Variants in PITPNC1 observed in about 807,000 individuals in gnomAD.
The protein encoded by PITPNC1 is phosphatidylinositol transfer protein cytoplasmic 1.
PITPNC1 carries 18 observed loss-of-function variants against 44.7 expected under a neutral mutation model. The observed-to-expected ratio is 0.40, with a 90% CI of 0.28 to 0.60. The LOEUF (loss-of-function observed/expected upper bound fraction) is 0.60, where lower values mean the gene tolerates loss of function less well. PITPNC1 is among the 20% of genes least tolerant of loss of function. The pLI, the probability that PITPNC1 is intolerant of heterozygous loss-of-function variation, is 0.39. For synonymous variants in PITPNC1, 141 were observed against 149.6 expected, an observed-to-expected ratio of 0.94 and a Z score of 0.42; for missense variants, 290 against 418.4, an observed-to-expected ratio of 0.69 and a Z score of 2.68.
At chr17:67,391,981 C>T (rs761390547) in intron 1 of PITPNC1, among the ~76,000 whole-genome samples, 8 of 152,094 alleles carry the variant, frequency 5.3e-5, no homozygotes, top group Non-Finnish European at 1.2e-4. Flanking sequence ...TATTCCTCTT[C>T]GAAAATAACT....
rs192045469 is a variant in PITPNC1 at position 67,683,551 on chromosome 17, G to A, written c.682+8009G>A. On this transcript the variant is annotated intron_variant, in intron 8 of 8. Coordinates refer to ENST00000581322, the MANE Select transcript of PITPNC1 (RefSeq NM_012417.4). ...TTAGACAAACATATTTTCCTTCACA[G>A]CAGGGACCATATTATCACCATCTTT... Among the ~76,000 whole-genome samples, 6 of 152,280 alleles carry A rather than the reference G, an allele frequency of 3.9e-5. No individual in the cohort carries two copies. The East Asian group carries it at 1.2e-3, about 29-fold the overall frequency.
At chr17:67,637,577 G>A (rs2042047922) in intron 6 of PITPNC1, among the ~76,000 whole-genome samples, 1 of 152,100 alleles carries the variant, frequency 6.6e-6, no homozygotes, top group African/African-American at 2.4e-5. Context: ...GGAAACCTTT[G>A]AGCCACACAA....
chr17:67,475,756 C>CA (rs2039617370), intron 1 of PITPNC1, among the ~76,000 whole-genome samples: 1 of 152,260 alleles, frequency 6.6e-6, no homozygotes, highest in Middle Eastern at 3.4e-3. Context: ...GTAGGTTGTG[C>CA]ATCAGTAAGC....
At chr17:67,427,484 T>A (rs1054127880) in intron 1 of PITPNC1, among the ~76,000 whole-genome samples, 2 of 152,188 alleles carry the variant, frequency 1.3e-5, no homozygotes, top group African/African-American at 4.8e-5. Flanking sequence ...AGTGTTGGTA[T>A]TACAGGCATG....
intron 1 of PITPNC1, among the ~76,000 whole-genome samples, chr17:67,518,847 G>A (rs900186450): frequency 1.3e-5 from 2 of 152,200 alleles, no homozygotes; most frequent in Non-Finnish European, 2.9e-5. Context: ...AGATGCTGAA[G>A]TGGGAGGATC....
intron 1 of PITPNC1, among the ~76,000 whole-genome samples, chr17:67,412,255 G>A (rs966166207): frequency 2.0e-5 from 3 of 152,136 alleles, no homozygotes; most frequent in Non-Finnish European, 4.4e-5. Flanking sequence ...GGAGCCCGGG[G>A]CAGGGTTTAA....
chr17:67,585,759 C>T (rs538472560), intron 5 of PITPNC1, among the ~76,000 whole-genome samples: 3 of 152,254 alleles, frequency 2.0e-5, no homozygotes, highest in East Asian at 3.9e-4. Context: ...GAGCCAAGAT[C>T]GTGCCACTGC....
intron 6 of PITPNC1, among the ~76,000 whole-genome samples, chr17:67,653,384 T>G (rs905457829): frequency 2.0e-5 from 3 of 152,196 alleles, no homozygotes; most frequent in African/African-American, 7.2e-5. Context: ...TGCTTCTACA[T>G]GCCAAGGAAC....
chr17:67,555,050 T>C (rs2040817732), intron 4 of PITPNC1, among the ~76,000 whole-genome samples: 1 of 152,186 alleles, frequency 6.6e-6, no homozygotes, highest in African/African-American at 2.4e-5. Context: ...ATATATATAG[T>C]ATTTCCCCCC....
rs377621762 is a variant in PITPNC1 at position 67,428,337 on chromosome 17, G to A, written c.48+50135G>A. Among the ~76,000 whole-genome samples, 9 of 152,096 alleles carry A rather than the reference G, an allele frequency of 5.9e-5. No homozygotes were observed. In the East Asian group the frequency reaches 1.5e-3, roughly 26 times the overall value. On this transcript the variant is annotated intron_variant, in intron 1 of 8. Transcript: ENST00000581322. ...GAGGATCACTTGAGCCCAGGAGTTC[G>A]AGACCAACTTGGGCAACATAATGCC...
At chr17:67,674,938 G>T (rs968700515) in intron 7 of PITPNC1, among the ~76,000 whole-genome samples, 3 of 151,314 alleles carry the variant, frequency 2.0e-5, no homozygotes, top group African/African-American at 7.3e-5. Context: ...CTTGAACCCT[G>T]GAGGCAGAGG....
chr17:67,443,325 T>C (rs1039499608), intron 1 of PITPNC1, among the ~76,000 whole-genome samples: 1 of 152,000 alleles, frequency 6.6e-6, no homozygotes, highest in African/African-American at 2.4e-5. Context: ...ACCTCAGATA[T>C]CCCTGACTGG....
chr17:67,622,323 C>T (rs909253844), intron 5 of PITPNC1, among the ~76,000 whole-genome samples: 6 of 150,304 alleles, frequency 4.0e-5, no homozygotes, highest in Non-Finnish European at 8.9e-5. Context: ...TTTTTTATTC[C>T]TATCTTAATG....
chr17:67,681,374 A>G (rs2042701920), intron 8 of PITPNC1, among the ~76,000 whole-genome samples: 1 of 152,086 alleles, frequency 6.6e-6, no homozygotes. Flanking sequence ...GCACTTTGGG[A>G]GGCCAAGGCA....
At chr17:67,408,673 TCTTTCTTCCTTCCTTCCTTC>T (rs1278501409) in intron 1 of PITPNC1, 3,914 of 130,904 alleles carry the variant, frequency 0.03, 110 homozygotes, top group Non-Finnish European at 0.041. Flanking sequence ...GCTTGCTTTC[TCTTTCTTCCTTCCTTCCTTC>T]CTTCCTTCCT....
rs2040481602 is a variant in PITPNC1 at position 67,532,898 on chromosome 17, G to A, written c.145G>A (p.Asp49Asn). ...GGTCGTCCAGAATGAGCCCTTTGAGGACCCTCACCATGGCAATGGGCAGTT... is the reference window on the plus strand; with the variant it reads ...GGTCGTCCAGAATGAGCCCTTTGAGAACCCTCACCATGGCAATGGGCAGTT... ...VEVVQNEPFE[D>N]PHHGNGQFTE... Residue 49 changes from aspartate to asparagine, a missense_variant, in exon 2 of 9, where the codon GAC becomes AAC. Physicochemically the swap from Asp to Asn is conservative, Grantham distance 23. Coordinates refer to ENST00000581322, the MANE Select transcript of PITPNC1 (RefSeq NM_012417.4). 1 of 1,610,382 alleles carries A rather than the reference G, an allele frequency of 6.2e-7. No homozygotes were observed. Among genetic ancestry groups the A allele is most frequent in the Non-Finnish European group, 8.5e-7 (1 of 1,178,642 alleles).
At chr17:67,627,697 G>A (rs142709953) in intron 5 of PITPNC1, among the ~76,000 whole-genome samples, 1 of 152,126 alleles carries the variant, frequency 6.6e-6, no homozygotes, top group Admixed American at 6.5e-5. Context: ...TTGTTTGTTT[G>A]TTTTAATCAT....
chr17:67,619,750 CCAGTGCCATCTG>C (rs1181410502), intron 5 of PITPNC1, among the ~76,000 whole-genome samples: 5 of 151,990 alleles, frequency 3.3e-5, no homozygotes, highest in Non-Finnish European at 7.4e-5. Flanking sequence ...CCACCCCCAC[CCAGTGCCATCTG>C]CAGTGCCATC....
intron 5 of PITPNC1, among the ~76,000 whole-genome samples, chr17:67,601,230 A>G (rs77442771): frequency 0.078 from 11,864 of 152,202 alleles, 761 homozygotes; most frequent in South Asian, 0.27. Context: ...GCTCCTCTAG[A>G]GGAAAGACAG....
Sources: gnomAD v4.1 joint callset for allele counts (sites outside exome capture counted in the v4.1 genomes callset) on GRCh38, gnomAD v4.1.1 for gene constraint, MANE v1.5 for transcripts, NCBI Gene and HGNC (gene_info 2026-07-23, HGNC 2026-07-21) for gene names.